Variants in OPCML observed in about 807,000 individuals in gnomAD.
OPCML encodes opioid-binding protein/cell adhesion molecule.
A neutral mutation model predicts 37.8 loss-of-function variants in OPCML; 13 were observed. The observed-to-expected ratio is 0.34, with a 90% CI of 0.22 to 0.55. The LOEUF (loss-of-function observed/expected upper bound fraction) is 0.55, where lower values mean the gene tolerates loss of function less well. Ranked by LOEUF, OPCML falls within the 20% of genes least tolerant of loss-of-function variation. OPCML has a pLI of 0.91. For missense variants in OPCML, 341 were observed against 435.6 expected (o/e 0.78, Z 1.93); for synonymous variants, 176 against 168.8 (o/e 1.04, Z -0.33).
chr11:133,411,910 T>C (rs1565620217), intron 1 of OPCML, among the ~76,000 whole-genome samples: 1 of 152,298 alleles, frequency 6.6e-6, no homozygotes, highest in East Asian at 1.9e-4. Context: ...GGGAAGTGGC[T>C]TCCCCCCACA....
At chr11:133,080,827 C>A (rs1948703453) in intron 1 of OPCML, among the ~76,000 whole-genome samples, 1 of 152,108 alleles carries the variant, frequency 6.6e-6, no homozygotes, top group Admixed American at 6.5e-5. Context: ...TTCATTCATT[C>A]ATGATTTACT....
chr11:133,072,241 A>G (rs529696009), intron 1 of OPCML, among the ~76,000 whole-genome samples: 25 of 152,194 alleles, frequency 1.6e-4, no homozygotes, highest in Non-Finnish European at 5.9e-5. Context: ...ACTAAATTGC[A>G]TGTTTCAAAA....
intron 4 of OPCML, among the ~76,000 whole-genome samples, chr11:132,439,264 C>A (rs1026205504): frequency 2.6e-5 from 4 of 152,148 alleles, no homozygotes; most frequent in Non-Finnish European, 5.9e-5. Context: ...GAAATAGTGA[C>A]CCACATGCTC....
rs189078963 is a variant in OPCML, at chr11:132,808,411, T to G, written c.146+134515A>C. On this transcript the variant is annotated intron_variant, in intron 2 of 7. Transcript: ENST00000524381. ...GCACAGTGCTACAAGAAAGCATTACTGGTCAGGGAAATTTGAAGAGATTGA... is the reference window on the plus strand; with the variant it reads ...GCACAGTGCTACAAGAAAGCATTACGGGTCAGGGAAATTTGAAGAGATTGA... Among the ~76,000 whole-genome samples the G allele has an allele frequency of 4.9e-4, 74 of 152,324 alleles. 1 individual carries two copies. Among genetic ancestry groups the G allele is most frequent in the African/African-American group, 1.5e-3 (63 of 41,582 alleles).
intron 1 of OPCML, among the ~76,000 whole-genome samples, chr11:133,011,331 G>A (rs941404234): frequency 6.6e-6 from 1 of 152,154 alleles, no homozygotes; most frequent in African/African-American, 2.4e-5. Context: ...AATAGTGAGG[G>A]CCAGTGTGAG....
chr11:132,545,914 G>T (rs1257112516), intron 3 of OPCML, among the ~76,000 whole-genome samples: 1 of 152,182 alleles, frequency 6.6e-6, no homozygotes, highest in East Asian at 1.9e-4. Flanking sequence ...TTGCTACAGA[G>T]ACATAGAATA....
rs965685656 is a variant in OPCML at position 133,173,866 on chromosome 11, A to AATGG, written c.62-230860_62-230857dup. Among the ~76,000 whole-genome samples the AATGG allele has an allele frequency of 1.4e-4, 22 of 152,188 alleles. No homozygotes were observed. The highest frequency in any genetic ancestry group is 4.8e-4 in the African/African-American group (20 of 41,442). On this transcript the variant is annotated intron_variant, in intron 1 of 7. Coordinates refer to ENST00000524381, the MANE Select transcript of OPCML (RefSeq NM_001012393.5). The surrounding 1 kb of genome is among the most constrained non-coding windows in gnomAD (Gnocchi z 7.8). ...TATGAGGCAAATAATGAAGTTGATA[A>AATGG]ATGGGTCTGCACTCTGAGGGCTGGA... is the stretch of plus-strand genomic sequence containing the variant.
chr11:132,656,163 G>T (rs1384711424), intron 3 of OPCML, among the ~76,000 whole-genome samples: 1 of 152,084 alleles, frequency 6.6e-6, no homozygotes, highest in Non-Finnish European at 1.5e-5. Context: ...CTTCATTCCT[G>T]CCGTGAGCCA....
intron 1 of OPCML, among the ~76,000 whole-genome samples, chr11:133,442,701 G>T (rs1317635746): frequency 6.6e-6 from 1 of 150,384 alleles, no homozygotes; most frequent in East Asian, 2.0e-4. Context: ...CCTGAAAAAC[G>T]ATTGCAAAAG....
intron 1 of OPCML, among the ~76,000 whole-genome samples, chr11:133,247,479 A>T (rs943873108): frequency 6.6e-6 from 1 of 152,098 alleles, no homozygotes; most frequent in Non-Finnish European, 1.5e-5. Flanking sequence ...TACAGTTTTT[A>T]TTGCAAATAA....
At chr11:133,421,192 G>T (rs1945878496) in intron 1 of OPCML, 2 of 985,270 alleles carry the variant, frequency 2.0e-6, no homozygotes, top group African/African-American at 3.5e-5. Flanking sequence ...GCTCTCAGTT[G>T]CAAGGGAAAG....
chr11:132,960,879 T>C (rs1946078574), intron 1 of OPCML, among the ~76,000 whole-genome samples: 1 of 152,118 alleles, frequency 6.6e-6, no homozygotes, highest in Non-Finnish European at 1.5e-5. Context: ...GGAGACTGGG[T>C]CTGCAGCTGG....
At chr11:133,368,319 T>G (rs1592239750) in intron 1 of OPCML, among the ~76,000 whole-genome samples, 1 of 146,094 alleles carries the variant, frequency 6.8e-6, no homozygotes, top group Middle Eastern at 3.5e-3. Flanking sequence ...GAGAAAGAGG[T>G]GAGGGAGAGG....
rs796710181 is a variant in OPCML at position 132,560,778 on chromosome 11, G to GT, written c.380-31593dup. ...TCTTAGCCCACTTTTTGATGGGATT[G>GT]TTTTTTTCTTGAGTTCTTTGTACAT... On this transcript the variant is annotated intron_variant, in intron 3 of 7. Coordinates refer to ENST00000524381, the MANE Select transcript of OPCML (RefSeq NM_001012393.5). 5.1e-4 allele frequency among the ~76,000 whole-genome samples: 77 copies of GT among 152,094 alleles called. 1 individual carries two copies. Among genetic ancestry groups the GT allele is most frequent in the African/African-American group, 1.8e-3 (73 of 41,514 alleles).
chr11:132,902,070 T>C (rs1279353213), intron 2 of OPCML, among the ~76,000 whole-genome samples: 2 of 152,202 alleles, frequency 1.3e-5, no homozygotes, highest in African/African-American at 4.8e-5. Flanking sequence ...AAGATACTTC[T>C]AATGTTAATT....
At chr11:133,055,034 C>T (rs1287187970) in intron 1 of OPCML, among the ~76,000 whole-genome samples, 2 of 151,266 alleles carry the variant, frequency 1.3e-5, no homozygotes, top group Admixed American at 1.3e-4. Context: ...ATGAGGGAGC[C>T]ACCTCTACTG....
chr11:132,689,833 C>T (rs991795793), intron 2 of OPCML, among the ~76,000 whole-genome samples: 5 of 152,084 alleles, frequency 3.3e-5, no homozygotes, highest in African/African-American at 9.7e-5. Context: ...TGCATTTTGC[C>T]ACATGAAATA....
At chr11:132,501,697 G>C (rs183929306) in intron 4 of OPCML, among the ~76,000 whole-genome samples, 1 of 152,182 alleles carries the variant, frequency 6.6e-6, no homozygotes, top group East Asian at 1.9e-4. Context: ...CATTATCAAG[G>C]GCTGATTTTC....
At chr11:132,990,140 A>G (rs550366474) in intron 1 of OPCML, among the ~76,000 whole-genome samples, 1 of 152,320 alleles carries the variant, frequency 6.6e-6, no homozygotes, top group South Asian at 2.1e-4. Context: ...CATAACCATG[A>G]CTGAAAGCAG....
Sources: gnomAD v4.1 joint callset for allele counts (sites outside exome capture counted in the v4.1 genomes callset) on GRCh38, gnomAD v4.1.1 for gene constraint, Gnocchi (gnomAD v3.1) non-coding constraint, MANE v1.5 for transcripts, NCBI Gene and HGNC (gene_info 2026-07-23, HGNC 2026-07-21) for gene names.